Variants in SPOCK1 observed in about 807,000 individuals in gnomAD.
SPOCK1 encodes the protein SPARC (osteonectin), cwcv and kazal like domains proteoglycan 1, also known as testican-1.
A neutral mutation model predicts 55.3 loss-of-function variants in SPOCK1; 23 were observed. That is an observed-to-expected ratio of 0.42 (90% confidence interval 0.30 to 0.59). SPOCK1 has a LOEUF of 0.59. Among genes scored for constraint, SPOCK1 ranks in the 20% least tolerant of loss-of-function variants. The pLI, the probability that SPOCK1 is intolerant of heterozygous loss-of-function variation, is 0.22. For synonymous variants in SPOCK1, 226 were observed against 221.0 expected, an observed-to-expected ratio of 1.02 and a Z score of -0.20; for missense variants, 499 against 552.5, an observed-to-expected ratio of 0.90 and a Z score of 0.97.
intron 6 of SPOCK1, among the ~76,000 whole-genome samples, chr5:136,994,513 T>C (rs1751005124): frequency 6.6e-6 from 1 of 151,616 alleles, no homozygotes; most frequent in African/African-American, 2.4e-5. Context: ...TATATGGTAA[T>C]TACTTAGTAT....
chr5:137,425,010 C>T (rs878964743), intron 2 of SPOCK1, among the ~76,000 whole-genome samples: 4 of 152,164 alleles, frequency 2.6e-5, no homozygotes, highest in Admixed American at 2.6e-4. Flanking sequence ...AGCAGTCTTC[C>T]CTGTTATCAA....
chr5:137,185,504 T>C (rs1201049745), intron 3 of SPOCK1, among the ~76,000 whole-genome samples: 1 of 152,238 alleles, frequency 6.6e-6, no homozygotes, highest in African/African-American at 2.4e-5. Flanking sequence ...CTCTTTTTAA[T>C]TCAGGAAATA....
intron 3 of SPOCK1, among the ~76,000 whole-genome samples, chr5:137,255,508 CACTT>C (rs1344656102): frequency 2.0e-4 from 30 of 152,298 alleles, no homozygotes; most frequent in African/African-American, 5.8e-4. Context: ...TATCACTTGA[CACTT>C]ACATATGCCT....
chr5:137,132,011 TATATATATAA>T (rs1357013451), intron 4 of SPOCK1, among the ~76,000 whole-genome samples: 14 of 66,056 alleles, frequency 2.1e-4, no homozygotes, highest in African/African-American at 3.2e-4. Context: ...TATATATATA[TATATATATAA>T]AAAATTAGCT....
rs191761338 is a variant in SPOCK1, at chr5:137,492,452, A to G, written c.186+5921T>C. Among the ~76,000 whole-genome samples, 7 of 152,346 alleles carry G rather than the reference A, an allele frequency of 4.6e-5. No homozygotes were observed. The East Asian group carries it at 5.8e-4, about 13-fold the overall frequency. On this transcript the variant is annotated intron_variant, in intron 2 of 10. Transcript: ENST00000394945. ...GAGACACACACAAACCCCTAGTCCTATGATGTAACTTGACCCCTGGATCCA... is the reference window on the plus strand; with the variant it reads ...GAGACACACACAAACCCCTAGTCCTGTGATGTAACTTGACCCCTGGATCCA...
intron 2 of SPOCK1, among the ~76,000 whole-genome samples, chr5:137,375,919 T>TGCCA (rs1339299478): frequency 6.6e-6 from 1 of 152,212 alleles, no homozygotes. Flanking sequence ...AGTCCACGCC[T>TGCCA]GCCACTTCAA....
chr5:137,165,673 G>A (rs1410108965), intron 3 of SPOCK1, among the ~76,000 whole-genome samples: 1 of 152,126 alleles, frequency 6.6e-6, no homozygotes, highest in African/African-American at 2.4e-5. Context: ...ATAACACAGA[G>A]AAGGAATTCA....
At chr5:137,353,346 A>G (rs1395383709) in intron 2 of SPOCK1, among the ~76,000 whole-genome samples, 1 of 152,194 alleles carries the variant, frequency 6.6e-6, no homozygotes, top group African/African-American at 2.4e-5. Context: ...ACATAACTGC[A>G]CTCCAGCCTG....
chr5:137,099,005 G>A (rs1753209383), intron 5 of SPOCK1, among the ~76,000 whole-genome samples: 1 of 152,184 alleles, frequency 6.6e-6, no homozygotes, highest in African/African-American at 2.4e-5. Context: ...GTTCCCAAAG[G>A]GATGTTAAAA....
chr5:137,144,609 AT>A (rs1461219205), intron 3 of SPOCK1, among the ~76,000 whole-genome samples: 1 of 152,162 alleles, frequency 6.6e-6, no homozygotes, highest in Non-Finnish European at 1.5e-5. Context: ...GGAGTGTGTC[AT>A]TTCCATTTAA....
chr5:137,025,606 G>C (rs1239098774), intron 6 of SPOCK1, among the ~76,000 whole-genome samples: 1 of 152,122 alleles, frequency 6.6e-6, no homozygotes, highest in Non-Finnish European at 1.5e-5. Flanking sequence ...CCTAGGTACC[G>C]GGGAGCTGAA....
At chr5:137,457,337 C>T (rs4976445) in intron 2 of SPOCK1, among the ~76,000 whole-genome samples, 109,403 of 152,024 alleles carry the variant, frequency 0.72, 39,651 homozygotes, top group East Asian at 0.89. Flanking sequence ...CAGGATGAGT[C>T]TGAGCAGAAT....
rs185622530 is a variant in SPOCK1 at position 137,103,148 on chromosome 5, G to A, written c.474+9287C>T. Among the ~76,000 whole-genome samples, 116 of 152,138 alleles carry A rather than the reference G, an allele frequency of 7.6e-4. 2 individuals carry two copies. The East Asian group carries it at 0.021, about 28-fold the overall frequency. ...TGAGATTACAGGTGCCTACCACCAC[G>A]CCCGGCTGACTTTTGTATTTTTAGT... On this transcript the variant is annotated intron_variant, in intron 5 of 10. Coordinates refer to ENST00000394945, the MANE Select transcript of SPOCK1 (RefSeq NM_004598.4).
At chr5:137,297,289 A>G (rs570771795) in intron 2 of SPOCK1, among the ~76,000 whole-genome samples, 1 of 152,226 alleles carries the variant, frequency 6.6e-6, no homozygotes, top group Non-Finnish European at 1.5e-5. Flanking sequence ...ATTACTGAGT[A>G]AACTATGATT....
intron 2 of SPOCK1, among the ~76,000 whole-genome samples, chr5:137,453,537 C>T (rs1026102182): frequency 2.6e-5 from 4 of 152,080 alleles, no homozygotes; most frequent in Admixed American, 6.6e-5. Context: ...AACAATTGTC[C>T]GCAATTTTCT....
At chr5:137,016,743 A>C (rs1165535564) in intron 6 of SPOCK1, among the ~76,000 whole-genome samples, 1 of 152,268 alleles carries the variant, frequency 6.6e-6, no homozygotes. Context: ...AAGGCTGCCC[A>C]GGCATCAAAT....
chr5:137,256,211 TCCCTCTTTTAAAGGCTAAA>T lies in SPOCK1; in HGVS notation c.232+10780_232+10798del, dbSNP rs372718732. On this transcript the variant is annotated intron_variant, in intron 3 of 10. Transcript: ENST00000394945. Reference sequence around the variant, plus strand: ...CATGTATGAGGGCATGGGCTGTGTTTCCCTCTTTTAAAGGCTAAACCACTCCATCTCCAGGTGATGGAGG... The same window carrying T: ...CATGTATGAGGGCATGGGCTGTGTTTCCACTCCATCTCCAGGTGATGGAGG... 2.5e-3 allele frequency among the ~76,000 whole-genome samples: 376 copies of T among 152,304 alleles called. 2 individuals are homozygous for T. Among genetic ancestry groups the T allele is most frequent in the African/African-American group, 8.6e-3 (357 of 41,568 alleles).
chr5:137,066,135 CTTTAT>C (rs1752501474), intron 6 of SPOCK1, among the ~76,000 whole-genome samples: 1 of 152,000 alleles, frequency 6.6e-6, no homozygotes, highest in Non-Finnish European at 1.5e-5. Flanking sequence ...GTGGCAATGA[CTTTAT>C]TTTATTTTTT....
intron 2 of SPOCK1, among the ~76,000 whole-genome samples, chr5:137,440,247 T>C (rs904919557): frequency 6.6e-6 from 1 of 151,176 alleles, no homozygotes; most frequent in Admixed American, 6.6e-5. Flanking sequence ...TTCACAGACA[T>C]GGAAAAGTTA....
Sources: gnomAD v4.1 joint callset for allele counts (sites outside exome capture counted in the v4.1 genomes callset) on GRCh38, gnomAD v4.1.1 for gene constraint, MANE v1.5 for transcripts, NCBI Gene and HGNC (gene_info 2026-07-23, HGNC 2026-07-21) for gene names.